FARSB: variants seen among roughly 807,000 people sequenced by gnomAD.
The protein encoded by FARSB is phenylalanine--tRNA ligase beta subunit.
A neutral mutation model predicts 69.6 loss-of-function variants in FARSB; 40 were observed. The ratio of observed to expected loss-of-function variants is 0.57; its 90% CI spans 0.45 to 0.75. The LOEUF is 0.75. Among genes scored for constraint, FARSB ranks in the 30% least tolerant of loss-of-function variants. The probability of loss-of-function intolerance (pLI) is 0.00; values close to 1 mark genes in which losing one functional copy is unlikely to be tolerated. For synonymous variants in FARSB, 235 were observed against 247.2 expected (o/e 0.95, Z 0.46); for missense variants, 632 against 722.9 (o/e 0.87, Z 1.44).
intron 16 of FARSB, among the ~76,000 whole-genome samples, chr2:222,578,569 G>A (rs1005762988): frequency 1.3e-5 from 2 of 152,234 alleles, no homozygotes; most frequent in Non-Finnish European, 2.9e-5. Context: ...GCCGGGCACG[G>A]TGGCTCACGC....
intron 16 of FARSB, among the ~76,000 whole-genome samples, chr2:222,581,846 C>T (rs549305177): frequency 3.9e-5 from 6 of 152,254 alleles, no homozygotes; most frequent in South Asian, 4.1e-4. Flanking sequence ...CATTTGCTCA[C>T]GGCAAGGGAA....
chr2:222,636,877 GAAGAC>G (rs1691594670), intron 5 of FARSB, among the ~76,000 whole-genome samples: 1 of 152,148 alleles, frequency 6.6e-6, no homozygotes, highest in Non-Finnish European at 1.5e-5. Flanking sequence ...AAGAAATATG[GAAGAC>G]ATGACTCTTA....
chr2:222,610,437 C>A (rs980462956), intron 15 of FARSB, among the ~76,000 whole-genome samples: 1 of 151,878 alleles, frequency 6.6e-6, no homozygotes, highest in African/African-American at 2.4e-5. Flanking sequence ...AAACAACATT[C>A]CTGTTTCCAT....
At chr2:222,593,116 AC>A (rs1378566276) in intron 16 of FARSB, among the ~76,000 whole-genome samples, 1 of 152,098 alleles carries the variant, frequency 6.6e-6, no homozygotes, top group Non-Finnish European at 1.5e-5. Context: ...ATAAGAGGAG[AC>A]TACTATAATT....
In FARSB at chr2:222,572,478, T is replaced by C. The variant is rs146239613; in HGVS notation, c.1619-456A>G. ...GATAAGACATCGACACTGAATTCAT[T>C]TGCTCTGTACAACTCTTCCTCACTC... On this transcript the variant is annotated intron_variant, in intron 16 of 16. Transcript: ENST00000281828. Among the ~76,000 whole-genome samples the C allele has an allele frequency of 3.3e-3, 502 of 152,314 alleles. 3 individuals carry two copies. The highest frequency in any genetic ancestry group is 0.01 in the Middle Eastern group (3 of 294).
intron 16 of FARSB, 148 bp from the exon 17 acceptor site, chr2:222,572,170 T>C (rs1476216464): frequency 3.0e-6 from 2 of 677,686 alleles, no homozygotes; most frequent in Non-Finnish European, 4.8e-6. Flanking sequence ...TCATACTTTC[T>C]AGTATTTAAA....
At position 222,619,742 on chromosome 2, in the gene FARSB, G is replaced by T. The variant is rs752500493; in HGVS notation, c.1252-5C>A. 5.3e-6 allele frequency: 8 copies of T among 1,508,748 alleles called. No individual in the cohort carries two copies. In the African/African-American group the frequency reaches 1.1e-4, roughly 21 times the overall value. 93.5% of individuals were successfully genotyped at this position (1,508,748 alleles called of 1,614,324 possible). A position where few individuals can be genotyped will look rare whatever the true frequency, so the allele number is the denominator to read the frequency against. On this transcript the variant is annotated splice_polypyrimidine_tract_variant and splice_region_variant and intron_variant, in intron 13 of 16. Coordinates refer to ENST00000281828, the MANE Select transcript of FARSB (RefSeq NM_005687.5). ...AGCAATATCTTCTTGGGAGCACTGTGAAGTACACACAAAACAGATTAATAT... is the reference window on the plus strand; with the variant it reads ...AGCAATATCTTCTTGGGAGCACTGTTAAGTACACACAAAACAGATTAATAT...
intron 14 of FARSB, among the ~76,000 whole-genome samples, chr2:222,616,826 A>C (rs1691010278): frequency 6.6e-6 from 1 of 152,156 alleles, no homozygotes; most frequent in African/African-American, 2.4e-5. Flanking sequence ...GCCCATGAAG[A>C]ACTTTACATT....
At chr2:222,638,112 G>C (rs1281820546) in intron 5 of FARSB, among the ~76,000 whole-genome samples, 1 of 152,080 alleles carries the variant, frequency 6.6e-6, no homozygotes, top group Non-Finnish European at 1.5e-5. Context: ...GATATTAAAA[G>C]GATAATAAAG....
chr2:222,597,858 G>C (rs1389726597), intron 16 of FARSB, among the ~76,000 whole-genome samples: 1 of 152,008 alleles, frequency 6.6e-6, no homozygotes, highest in Non-Finnish European at 1.5e-5. Context: ...TTAAAGTACA[G>C]ATCTAATATC....
At chr2:222,573,977 A>C (rs1394631057) in intron 16 of FARSB, among the ~76,000 whole-genome samples, 1 of 152,190 alleles carries the variant, frequency 6.6e-6, no homozygotes, top group Non-Finnish European at 1.5e-5. Flanking sequence ...TCCTCATTGT[A>C]CCAAAATCCA....
intron 15 of FARSB, among the ~76,000 whole-genome samples, chr2:222,603,504 C>T (rs1398143689): frequency 6.6e-6 from 1 of 151,580 alleles, no homozygotes; most frequent in Non-Finnish European, 1.5e-5. Context: ...AACTATCTGT[C>T]AATTTATCTA....
At position 222,624,273 on chromosome 2, in the gene FARSB, T is replaced by C. The variant is rs1559207407; in HGVS notation, c.1169A>G (p.Gln390Arg). 1 of 1,587,144 alleles carries C rather than the reference T, an allele frequency of 6.3e-7. No homozygotes were observed. The highest frequency in any genetic ancestry group is 8.6e-7 in the Non-Finnish European group (1 of 1,156,702). ...GTTTATTTAAGGGTGCAATCTTACT[T>C]GATTAGCTATGGTGTAAGTTTTCGG... ...TLPKTYTIAN[Q>R]FPLNKLTELL... The change falls in exon 12 of 17, where the codon CAA (glutamine) becomes CGA (arginine). Residue 390 changes from glutamine (Q) to arginine (R), a missense_variant and splice_region_variant. Coordinates refer to ENST00000281828, the MANE Select transcript of FARSB (RefSeq NM_005687.5).
chr2:222,655,993 C>G, intron 1 of FARSB, 23 bp downstream of exon 1: 2 of 1,576,718 alleles, frequency 1.3e-6, no homozygotes, highest in Non-Finnish European at 1.7e-6. Flanking sequence ...GCGTAGGGCC[C>G]AACGTATAGG....
At chr2:222,580,629 A>T (rs2106179639) in intron 16 of FARSB, among the ~76,000 whole-genome samples, 1 of 152,342 alleles carries the variant, frequency 6.6e-6, no homozygotes, top group East Asian at 1.9e-4. Flanking sequence ...TATTGATCTC[A>T]TCTTGTACAA....
At chr2:222,621,158 G>A (rs769261515) in intron 13 of FARSB, among the ~76,000 whole-genome samples, 2 of 152,210 alleles carry the variant, frequency 1.3e-5, no homozygotes, top group Non-Finnish European at 2.9e-5. Context: ...AAAACACTCT[G>A]CAGACACATG....
At chr2:222,619,565 T>C in intron 14 of FARSB, 80 bp downstream of exon 14, 3 of 711,464 alleles carry the variant, frequency 4.2e-6, no homozygotes, top group Non-Finnish European at 2.6e-6. Context: ...ATCTCAGGTA[T>C]AATAACTGAA....
chr2:222,642,723 C>A (rs1691753369), intron 3 of FARSB, 128 bp downstream of exon 3: 1 of 583,568 alleles, frequency 1.7e-6, no homozygotes, highest in Non-Finnish European at 2.9e-6. Flanking sequence ...AATCAACCCT[C>A]TATTGAGAGC....
chr2:222,635,916 C>T (rs1445769572), intron 5 of FARSB, among the ~76,000 whole-genome samples: 1 of 150,990 alleles, frequency 6.6e-6, no homozygotes, highest in Non-Finnish European at 1.5e-5. Context: ...CCCATCTCCA[C>T]AAAAAATGTA....
Sources: allele counts gnomAD v4.1 joint callset (sites outside exome capture counted in the v4.1 genomes callset), GRCh38; gene constraint gnomAD v4.1.1; transcripts MANE v1.5; gene names NCBI Gene and HGNC (gene_info 2026-07-23, HGNC 2026-07-21).